Variants in TESPA1 observed in about 807,000 individuals in gnomAD.
TESPA1 encodes thymocyte expressed, positive selection associated 1, also known as protein TESPA1.
TESPA1 carries 33 observed loss-of-function variants against 57.9 expected under a neutral mutation model. The observed-to-expected ratio is 0.57, with a 90% CI of 0.43 to 0.76. The LOEUF is 0.76. Ranked by LOEUF, TESPA1 falls within the 30% of genes least tolerant of loss-of-function variation. The pLI, the probability that TESPA1 is intolerant of heterozygous loss-of-function variation, is 0.00. For missense variants in TESPA1, 618 were observed against 632.9 expected, an observed-to-expected ratio of 0.98 and a Z score of 0.25; for synonymous variants, 227 against 228.9, an observed-to-expected ratio of 0.99 and a Z score of 0.07.
chr12:54,966,182 T>C lies in TESPA1; in HGVS notation c.348-31A>G, dbSNP rs1951417778. 2.6e-6 allele frequency: 4 copies of C among 1,563,812 alleles called. No individual in the cohort carries two copies. The highest frequency in any genetic ancestry group is 3.5e-6 in the Non-Finnish European group (4 of 1,153,634). The stretch of plus-strand genomic sequence containing the variant: ...GAGATCAAAGCTGATGTCATACAAA[T>C]CTTGTTTCCAGTCTGCACCCTGGCT... On this transcript the variant is annotated intron_variant, in intron 6 of 10. Coordinates refer to ENST00000449076, the MANE Select transcript of TESPA1 (RefSeq NM_001136030.3).
chr12:54,963,994 A>C (rs1291397677), intron 7 of TESPA1, 44 bp from the exon 8 acceptor site: 1 of 1,569,128 alleles, frequency 6.4e-7, no homozygotes, highest in Middle Eastern at 1.7e-4. Flanking sequence ...ACTTTGAGAC[A>C]CATGGTAATT....
chr12:54,974,332 A>C, intron 2 of TESPA1, 68 bp downstream of exon 2: 3 of 1,434,690 alleles, frequency 2.1e-6, no homozygotes, highest in Non-Finnish European at 2.8e-6. Flanking sequence ...CACACTCTGC[A>C]GACCTGGGCC....
At chr12:54,973,672 A>G in intron 2 of TESPA1, 153 bp from the exon 3 acceptor site, 2 of 1,445,800 alleles carry the variant, frequency 1.4e-6, no homozygotes, top group South Asian at 3.1e-5. Context: ...TGAGAGGAAT[A>G]CACCGTATAT....
intron 1 of TESPA1, among the ~76,000 whole-genome samples, chr12:54,976,751 A>T (rs932988111): frequency 1.4e-4 from 22 of 152,332 alleles, no homozygotes; most frequent in Middle Eastern, 6.8e-3. Context: ...TGCCTAGCAC[A>T]ATTCCAGAAT....
chr12:54,961,820 A>G (rs1392432148), intron 9 of TESPA1, among the ~76,000 whole-genome samples: 2 of 152,164 alleles, frequency 1.3e-5, no homozygotes, highest in Admixed American at 6.5e-5. Flanking sequence ...CTAGGCCCAA[A>G]TGATGACCAA....
chr12:54,952,464 G>A (rs1950461388), intron 10 of TESPA1, among the ~76,000 whole-genome samples: 1 of 152,234 alleles, frequency 6.6e-6, no homozygotes, highest in South Asian at 2.1e-4. Flanking sequence ...TTTCAGTACA[G>A]TGTTAATCTT....
rs1396529945 is a variant in TESPA1, at chr12:54,962,659, C to G, written c.1239G>C (p.Leu413=). 1 of 1,613,970 alleles carries G rather than the reference C, an allele frequency of 6.2e-7. No homozygotes were observed. The highest frequency in any genetic ancestry group is 8.5e-7 in the Non-Finnish European group (1 of 1,179,892). ...STDPAQIRRE[L]CSLPATNTET... is the part of the protein sequence containing the mutation. ...CCGTATTGGTGGCTGGTAGACTACA[C>G]AGCTCTCTCCTTATCTGAGCTGGGT... The change falls in exon 9 of 11, where the codon CTG becomes CTC. Residue 413 remains leucine, a synonymous_variant. Coordinates refer to ENST00000449076, the MANE Select transcript of TESPA1 (RefSeq NM_001136030.3).
At chr12:54,951,695 A>C (rs994491904) in intron 10 of TESPA1, among the ~76,000 whole-genome samples, 25 of 152,060 alleles carry the variant, frequency 1.6e-4, no homozygotes, top group African/African-American at 6.0e-4. Flanking sequence ...TTTCCTTCCT[A>C]TTGGATATTT....
chr12:54,957,099 C>T (rs1195396695), intron 10 of TESPA1, among the ~76,000 whole-genome samples: 1 of 152,068 alleles, frequency 6.6e-6, no homozygotes, highest in Non-Finnish European at 1.5e-5. Context: ...AGGCACTCAC[C>T]CTATGTGAAT....
chr12:54,967,729 G>T, intron 4 of TESPA1, 114 bp downstream of exon 4: 1 of 1,245,014 alleles, frequency 8.0e-7, no homozygotes. Context: ...GAACACTCAG[G>T]GACTCTTTTG....
chr12:54,950,348 C>T lies in TESPA1; in HGVS notation c.*44G>A, dbSNP rs745715483. On this transcript the variant is annotated 3_prime_UTR_variant, in exon 11 of 11. Coordinates refer to ENST00000449076, the MANE Select transcript of TESPA1 (RefSeq NM_001136030.3). ...GTGGCTTTTAGTTTCTTCTTTGAAG[C>T]CAATTCTGTCAGACCACATGCTGTT... 52 of 456,724 alleles carry T rather than the reference C, an allele frequency of 1.1e-4. No individual in the cohort carries two copies. The Middle Eastern group carries it at 1.6e-3, about 14-fold the overall frequency. The allele number at this position is 456,724 out of a possible 1,614,324, so 28.3% of individuals were successfully genotyped here.
intron 4 of TESPA1, 39 bp downstream of exon 4, chr12:54,967,804 C>T (rs1010755907): frequency 1.9e-6 from 3 of 1,611,592 alleles, no homozygotes. Context: ...TATCACTCTC[C>T]AGGTAGAAGA....
In TESPA1 at chr12:54,962,903, T is replaced by A. The variant is rs1951177976; in HGVS notation, c.995A>T (p.Gln332Leu). 1 of 1,613,676 alleles carries A rather than the reference T, an allele frequency of 6.2e-7. No homozygotes were observed. The highest frequency in any genetic ancestry group is 1.7e-5 in the Admixed American group (1 of 59,996). Residue 332 changes from glutamine (Q) to leucine (L), a missense_variant, in exon 9 of 11, where the codon CAA becomes CTA. Transcript: ENST00000449076. ...KVKEEKQFLQ[Q>L]DSDLGQFSQE... ...TGAGAATTGCCCCAAATCAGAGTCT[T>A]GCTGGAGGAACTGCTTCTCTTCTTT... is the stretch of plus-strand genomic sequence containing the variant.
chr12:54,968,356 G>T (rs1240680428), intron 3 of TESPA1, among the ~76,000 whole-genome samples: 1 of 152,126 alleles, frequency 6.6e-6, no homozygotes, highest in African/African-American at 2.4e-5. Context: ...CCATGTTATT[G>T]CTGAATATCA....
At chr12:54,952,760 T>C (rs1201495814) in intron 10 of TESPA1, among the ~76,000 whole-genome samples, 1 of 152,260 alleles carries the variant, frequency 6.6e-6, no homozygotes, top group Non-Finnish European at 1.5e-5. Flanking sequence ...AACATGTTTA[T>C]CTACATTTGC....
In TESPA1 at chr12:54,975,854, A is replaced by T. The variant is rs77706976; in HGVS notation, c.-45-1247T>A. Among the ~76,000 whole-genome samples, 703 of 152,314 alleles carry T rather than the reference A, an allele frequency of 4.6e-3. 2 individuals carry two copies. The highest frequency in any genetic ancestry group is 7.1e-3 in the Non-Finnish European group (486 of 68,024). On this transcript the variant is annotated intron_variant, in intron 1 of 10. Coordinates refer to ENST00000449076, the MANE Select transcript of TESPA1 (RefSeq NM_001136030.3). ...ATAAAATGCATTCCTAGGGCAGTAAAATTGTTTTTAGTGCCTCTGCTTGTT... is the reference window on the plus strand; with the variant it reads ...ATAAAATGCATTCCTAGGGCAGTAATATTGTTTTTAGTGCCTCTGCTTGTT...
chr12:54,955,804 C>T (rs1950695836), intron 10 of TESPA1, among the ~76,000 whole-genome samples: 1 of 152,126 alleles, frequency 6.6e-6, no homozygotes, highest in Middle Eastern at 3.4e-3. Flanking sequence ...ATTATATTTT[C>T]CCAACAGAGG....
chr12:54,975,929 A>T (rs938859053), intron 1 of TESPA1, among the ~76,000 whole-genome samples: 3 of 152,184 alleles, frequency 2.0e-5, no homozygotes, highest in African/African-American at 4.8e-5. Flanking sequence ...CTGTTGTCTG[A>T]TCTAACTTCC....
chr12:54,954,447 T>C (rs540368470), intron 10 of TESPA1, among the ~76,000 whole-genome samples: 35 of 152,354 alleles, frequency 2.3e-4, no homozygotes, highest in Non-Finnish European at 4.3e-4. Flanking sequence ...GGCAGAAAGA[T>C]AATCTTTATC....
Sources: gnomAD v4.1 joint callset for allele counts (sites outside exome capture counted in the v4.1 genomes callset) on GRCh38, gnomAD v4.1.1 for gene constraint, MANE v1.5 for transcripts, NCBI Gene and HGNC (gene_info 2026-07-23, HGNC 2026-07-21) for gene names.